Variants in SORCS3 observed in about 807,000 individuals in gnomAD.
SORCS3 encodes VPS10 domain-containing receptor SorCS3.
In SORCS3, 57 loss-of-function variants were observed where a neutral mutation model predicts 146.3. The observed-to-expected ratio is 0.39, with a 90% CI of 0.31 to 0.49. SORCS3 has a LOEUF of 0.49. Among genes scored for constraint, SORCS3 ranks in the 20% least tolerant of loss-of-function variants. SORCS3 has a pLI of 0.92. For synonymous variants in SORCS3, 653 were observed against 618.5 expected (o/e 1.06, Z -0.83); for missense variants, 1,341 against 1,575.5 (o/e 0.85, Z 2.52).
At chr10:105,252,663 C>A in intron 22 of SORCS3, 112 bp from the exon 23 acceptor site, 1 of 1,331,518 alleles carries the variant, frequency 7.5e-7, no homozygotes, top group Non-Finnish European at 1.0e-6. Flanking sequence ...GCCTAAAAAG[C>A]TGCATTTGAA....
In SORCS3 at chr10:105,223,161, G is replaced by T. The variant is rs762342954; in HGVS notation, c.2780G>T (p.Arg927Ile). The T allele has an allele frequency of 1.8e-4, 289 of 1,612,736 alleles. No individual in the cohort carries two copies. Among genetic ancestry groups the T allele is most frequent in the Non-Finnish European group, 2.4e-4 (279 of 1,179,118 alleles). The part of the protein sequence containing the change: ...VHLRVPFVAI[R>I]NKEVNISAVV... ...CTCCGAGTTCCATTTGTTGCCATAAGAAATAAGGAGGTCAACATCAGTGCA... is the reference window on the plus strand; with the variant it reads ...CTCCGAGTTCCATTTGTTGCCATAATAAATAAGGAGGTCAACATCAGTGCA... Residue 927 changes from arginine to isoleucine, a missense_variant, in exon 20 of 27, where the codon AGA becomes ATA. Coordinates refer to ENST00000369701, the MANE Select transcript of SORCS3 (RefSeq NM_014978.3).
chr10:105,207,490 G>A (rs1265333658), intron 16 of SORCS3, among the ~76,000 whole-genome samples: 1 of 152,096 alleles, frequency 6.6e-6, no homozygotes, highest in Non-Finnish European at 1.5e-5. Flanking sequence ...ATCCGCAGCA[G>A]TAGACTTCCC....
chr10:104,897,544 A>G lies in SORCS3; in HGVS notation c.696-18289A>G, dbSNP rs553973113. On this transcript the variant is annotated intron_variant, in intron 2 of 26. Transcript: ENST00000369701. ...CAATGTACTTCTCTTTAAAAGCAGG[A>G]TAATTTTCACATTGAAAAGCTGTAT... Among the ~76,000 whole-genome samples, 7 of 152,354 alleles carry G rather than the reference A, an allele frequency of 4.6e-5. No individual in the cohort carries two copies. The South Asian group carries it at 6.2e-4, about 14-fold the overall frequency.
Position 104,743,918 on chromosome 10 carries a change from C to T in SORCS3, c.628-98874C>T, listed in dbSNP as rs184367651. On this transcript the variant is annotated intron_variant, in intron 1 of 26. Transcript: ENST00000369701. ...TAAAAAGGCTTCAGAATGGGCCTCC[C>T]TAAATCTTCATTCATTAATAACGAT... Among the ~76,000 whole-genome samples the T allele has an allele frequency of 5.3e-5, 8 of 152,268 alleles. No homozygotes were observed. In the South Asian group the frequency reaches 1.5e-3, roughly 28 times the overall value.
chr10:104,657,396 T>G (rs1434483254), intron 1 of SORCS3, among the ~76,000 whole-genome samples: 1 of 152,198 alleles, frequency 6.6e-6, no homozygotes, highest in African/African-American at 2.4e-5. Context: ...CAATAGAACT[T>G]GAGAGATTGG....
At chr10:105,257,059 A>G (rs577954746) in intron 25 of SORCS3, 135 bp downstream of exon 25, 1 of 688,218 alleles carries the variant, frequency 1.5e-6, no homozygotes, top group African/African-American at 1.8e-5. Flanking sequence ...GACAATGGGT[A>G]AAAGCAAGAA....
intron 1 of SORCS3, among the ~76,000 whole-genome samples, chr10:104,822,436 A>G (rs1414228418): frequency 6.6e-6 from 1 of 152,182 alleles, no homozygotes. Flanking sequence ...GATACGATCA[A>G]ATGTGTGCTG....
chr10:104,859,555 A>C (rs1448816832), intron 2 of SORCS3, among the ~76,000 whole-genome samples: 1 of 152,248 alleles, frequency 6.6e-6, no homozygotes, highest in African/African-American at 2.4e-5. Flanking sequence ...AACAAAAGCC[A>C]AAATTGACAA....
intron 4 of SORCS3, among the ~76,000 whole-genome samples, chr10:105,032,850 A>T (rs2055278620): frequency 6.6e-6 from 1 of 152,146 alleles, no homozygotes; most frequent in Non-Finnish European, 1.5e-5. Context: ...TAACAATAGG[A>T]TGTGATGTGA....
intron 14 of SORCS3, among the ~76,000 whole-genome samples, chr10:105,192,732 T>G (rs902465516): frequency 6.6e-6 from 1 of 152,146 alleles, no homozygotes; most frequent in South Asian, 2.1e-4. Context: ...TTTTCGACGT[T>G]TTTTAGTGGC....
At chr10:104,752,296 A>G (rs2016997801) in intron 1 of SORCS3, among the ~76,000 whole-genome samples, 1 of 152,024 alleles carries the variant, frequency 6.6e-6, no homozygotes, top group Non-Finnish European at 1.5e-5. Flanking sequence ...TCAGCCTCCC[A>G]AAGTGCTAGG....
intron 7 of SORCS3, among the ~76,000 whole-genome samples, chr10:105,121,507 GT>G (rs1254563417): frequency 1.3e-5 from 2 of 152,056 alleles, no homozygotes; most frequent in African/African-American, 4.8e-5. Context: ...TTCTCATTTC[GT>G]TTTTCTCTGC....
At chr10:104,760,919 T>G (rs113297573) in intron 1 of SORCS3, among the ~76,000 whole-genome samples, 6,320 of 152,222 alleles carry the variant, frequency 0.042, 138 homozygotes, top group Admixed American at 0.062. Context: ...TTTTTTTTTT[T>G]TCTCCATTTG....
At chr10:104,880,282 A>T (rs2018617886) in intron 2 of SORCS3, among the ~76,000 whole-genome samples, 1 of 152,214 alleles carries the variant, frequency 6.6e-6, no homozygotes, top group African/African-American at 2.4e-5. Context: ...TTTTAAAAAT[A>T]GAAATACAGA....
intron 1 of SORCS3, among the ~76,000 whole-genome samples, chr10:104,680,100 T>G (rs1446177292): frequency 1.3e-5 from 2 of 152,148 alleles, no homozygotes; most frequent in East Asian, 3.8e-4. Flanking sequence ...ATTCACACAT[T>G]TATTCATTAA....
intron 1 of SORCS3, among the ~76,000 whole-genome samples, chr10:104,675,947 G>A (rs538067616): frequency 6.6e-6 from 1 of 152,294 alleles, no homozygotes; most frequent in African/African-American, 2.4e-5. Flanking sequence ...TAAGCTTGGG[G>A]AAGAGGAACC....
chr10:105,218,744 C>T lies in SORCS3; in HGVS notation c.2734+1622C>T, dbSNP rs570033435. Among the ~76,000 whole-genome samples, 19 of 152,326 alleles carry T rather than the reference C, an allele frequency of 1.2e-4. No individual in the cohort carries two copies. In the South Asian group the frequency reaches 3.3e-3, roughly 27 times the overall value. On this transcript the variant is annotated intron_variant, in intron 19 of 26. Coordinates refer to ENST00000369701, the MANE Select transcript of SORCS3 (RefSeq NM_014978.3). ...TCTTATCTTCATTGCTGGCTGGGCG[C>T]GGTGGCTCACGCCTGTAATCCCAGC...
chr10:105,208,124 T>A (rs997732507), intron 16 of SORCS3, among the ~76,000 whole-genome samples: 27 of 152,038 alleles, frequency 1.8e-4, no homozygotes, highest in Non-Finnish European at 3.2e-4. Context: ...GGCAGATCAC[T>A]TGAGGTCAGG....
intron 5 of SORCS3, among the ~76,000 whole-genome samples, chr10:105,052,399 C>T (rs2055419416): frequency 6.6e-6 from 1 of 152,080 alleles, no homozygotes; most frequent in Non-Finnish European, 1.5e-5. Flanking sequence ...CTTATTCCAC[C>T]CAGATGATTA....
Sources: allele counts gnomAD v4.1 joint callset (sites outside exome capture counted in the v4.1 genomes callset), GRCh38; gene constraint gnomAD v4.1.1; transcripts MANE v1.5; gene names NCBI Gene and HGNC (gene_info 2026-07-23, HGNC 2026-07-21).